R3HDM2: variants seen among roughly 807,000 people sequenced by gnomAD.
R3HDM2 encodes the protein R3H domain containing 2, also known as R3H domain-containing protein 2.
In R3HDM2, 38 loss-of-function variants were observed where a neutral mutation model predicts 124.5. The ratio of observed to expected loss-of-function variants is 0.31; its 90% CI spans 0.24 to 0.40. The LOEUF (loss-of-function observed/expected upper bound fraction) is 0.40. R3HDM2 is among the 10% of genes least tolerant of loss of function. The probability of loss-of-function intolerance (pLI) is 1.00; values close to 1 mark genes in which losing one functional copy is unlikely to be tolerated. For missense variants in R3HDM2, 869 were observed against 1,236.9 expected (o/e 0.70, Z 4.46); for synonymous variants, 391 against 448.0 (o/e 0.87, Z 1.61).
Position 57,373,991 on chromosome 12 carries a change from G to A in R3HDM2, c.-36+21758C>T, listed in dbSNP as rs908680802. On this transcript the variant is annotated intron_variant, in intron 2 of 23. Transcript: ENST00000402412. ...AAAAACACAAAAATCAGCTGGGGGT[G>A]GTGACGGGCACCTGTAATCCCAGCT... Among the ~76,000 whole-genome samples the A allele has an allele frequency of 7.9e-5, 12 of 151,030 alleles. No homozygotes were observed. In the East Asian group the frequency reaches 2.3e-3, roughly 30 times the overall value.
At chr12:57,331,550 G>A (rs745634658) in intron 2 of R3HDM2, among the ~76,000 whole-genome samples, 39 of 152,258 alleles carry the variant, frequency 2.6e-4, no homozygotes, top group Non-Finnish European at 4.3e-4. Context: ...CTAGAATAGT[G>A]CCTGGCATAT....
At chr12:57,346,361 G>C (rs1203192388) in intron 2 of R3HDM2, among the ~76,000 whole-genome samples, 1 of 149,316 alleles carries the variant, frequency 6.7e-6, no homozygotes. Context: ...GGGAGGCTGA[G>C]GCAGGAGAAT....
At chr12:57,383,322 A>C (rs2065182274) in intron 2 of R3HDM2, among the ~76,000 whole-genome samples, 1 of 152,156 alleles carries the variant, frequency 6.6e-6, no homozygotes. Context: ...CTAAATAAAT[A>C]AATAAAGGTT....
intron 19 of R3HDM2, among the ~76,000 whole-genome samples, chr12:57,264,067 C>T (rs1467856738): frequency 6.6e-6 from 1 of 150,662 alleles, no homozygotes; most frequent in Non-Finnish European, 1.5e-5. Context: ...ACATGGTGAA[C>T]GCCGTCTCTA....
chr12:57,289,494 A>T (rs1466480915), intron 11 of R3HDM2, among the ~76,000 whole-genome samples: 1 of 152,238 alleles, frequency 6.6e-6, no homozygotes, highest in Non-Finnish European at 1.5e-5. Flanking sequence ...TGTCTCCTAC[A>T]TTGGCCAAAA....
chr12:57,396,373 G>A (rs1043997205), intron 1 of R3HDM2, among the ~76,000 whole-genome samples: 9 of 151,920 alleles, frequency 5.9e-5, no homozygotes, highest in African/African-American at 2.2e-4. Flanking sequence ...CCCGGGAGAC[G>A]GAGGTTGCAG....
chr12:57,396,949 T>C (rs370166023), intron 1 of R3HDM2, among the ~76,000 whole-genome samples: 11 of 151,764 alleles, frequency 7.2e-5, no homozygotes, highest in South Asian at 4.2e-4. Flanking sequence ...AAAAATTAGC[T>C]GGGCAAGGTG....
intron 3 of R3HDM2, 114 bp from the exon 4 acceptor site, chr12:57,303,331 A>C: frequency 1.1e-6 from 1 of 932,132 alleles, no homozygotes; most frequent in Non-Finnish European, 1.7e-6. Context: ...TACAACAGCC[A>C]AACTATGATG....
chr12:57,361,610 G>A (rs537223759), intron 2 of R3HDM2, among the ~76,000 whole-genome samples: 1 of 152,000 alleles, frequency 6.6e-6, no homozygotes, highest in African/African-American at 2.4e-5. Flanking sequence ...CTTGAGCCCA[G>A]GAGTTCAAGG....
chr12:57,356,063 C>A (rs1367281074), intron 2 of R3HDM2, among the ~76,000 whole-genome samples: 1 of 152,102 alleles, frequency 6.6e-6, no homozygotes, highest in African/African-American at 2.4e-5. Context: ...TTTCCCCCAC[C>A]CCCTTACTTA....
At chr12:57,389,113 A>G (rs1388901794) in intron 2 of R3HDM2, among the ~76,000 whole-genome samples, 1 of 152,228 alleles carries the variant, frequency 6.6e-6, no homozygotes, top group Non-Finnish European at 1.5e-5. Context: ...GAAGGAAAAT[A>G]ACCAAAAGGA....
At chr12:57,422,693 G>A (rs1018656178) in intron 1 of R3HDM2, among the ~76,000 whole-genome samples, 17 of 152,166 alleles carry the variant, frequency 1.1e-4, no homozygotes, top group African/African-American at 3.4e-4. Flanking sequence ...TAAAGGACAG[G>A]GGCCAGGTGC....
intron 14 of R3HDM2, among the ~76,000 whole-genome samples, chr12:57,272,949 G>C (rs1292641681): frequency 6.6e-6 from 1 of 152,130 alleles, no homozygotes; most frequent in African/African-American, 2.4e-5. Context: ...TGGGGAGCAT[G>C]ATCATAACCC....
intron 2 of R3HDM2, among the ~76,000 whole-genome samples, chr12:57,360,014 T>TAC (rs1566327473): frequency 4.4e-5 from 4 of 90,132 alleles, no homozygotes; most frequent in African/African-American, 1.3e-4. Context: ...TAAATATATA[T>TAC]ATATATATAC....
intron 2 of R3HDM2, among the ~76,000 whole-genome samples, chr12:57,387,363 G>A (rs575611805): frequency 3.0e-4 from 46 of 152,006 alleles, no homozygotes; most frequent in Admixed American, 6.6e-5. Flanking sequence ...AAGAAACTCC[G>A]AACACATCCG....
At chr12:57,325,331 A>G (rs1409988066) in intron 2 of R3HDM2, among the ~76,000 whole-genome samples, 1 of 152,146 alleles carries the variant, frequency 6.6e-6, no homozygotes, top group Non-Finnish European at 1.5e-5. Flanking sequence ...TTTAATAGAG[A>G]CAAGGTTTCA....
Position 57,283,028 on chromosome 12 carries a change from T to C in R3HDM2, c.1171+796A>G, listed in dbSNP as rs532819130. Reference sequence around the variant, plus strand: ...GGTTACAGAGCTTTCATGTGGAACATAGGAGTGTCTGCTCCTTTCCAGTGA... The same window carrying C: ...GGTTACAGAGCTTTCATGTGGAACACAGGAGTGTCTGCTCCTTTCCAGTGA... On this transcript the variant is annotated intron_variant, in intron 13 of 23. Transcript: ENST00000402412. Among the ~76,000 whole-genome samples the C allele has an allele frequency of 3.3e-5, 5 of 152,338 alleles. No homozygotes were observed. The East Asian group carries it at 9.6e-4, about 29-fold the overall frequency.
chr12:57,302,704 A>C (rs375228778), intron 4 of R3HDM2, among the ~76,000 whole-genome samples: 71 of 151,662 alleles, frequency 4.7e-4, no homozygotes, highest in African/African-American at 1.6e-3. Context: ...ATTAGGGGGA[A>C]AAAAAAGCCT....
chr12:57,267,383 C>T (rs996808151), intron 18 of R3HDM2, among the ~76,000 whole-genome samples: 8 of 152,066 alleles, frequency 5.3e-5, no homozygotes, highest in African/African-American at 1.7e-4. Context: ...GGCGAAACCC[C>T]GTCTCTACTA....
Sources: gnomAD v4.1 joint callset for allele counts (sites outside exome capture counted in the v4.1 genomes callset) on GRCh38, gnomAD v4.1.1 for gene constraint, MANE v1.5 for transcripts, NCBI Gene and HGNC (gene_info 2026-07-23, HGNC 2026-07-21) for gene names.